Variants in CAST observed in about 807,000 individuals in gnomAD.
CAST encodes MIR583 host.
CAST carries 76 observed loss-of-function variants against 119.6 expected under a neutral mutation model. The observed-to-expected ratio is 0.64, with a 90% CI of 0.53 to 0.77. The LOEUF is 0.77. CAST is among the 30% of genes least tolerant of loss of function. The probability of loss-of-function intolerance (pLI) is 0.00; values close to 1 mark genes in which losing one functional copy is unlikely to be tolerated. For missense variants in CAST, 953 were observed against 946.5 expected (o/e 1.01, Z -0.09); for synonymous variants, 319 against 331.6 (o/e 0.96, Z 0.41).
At chr5:96,513,323 C>T in the CAST span, among the ~76,000 whole-genome samples, 2 of 152,184 alleles carry the variant, frequency 1.3e-5, no homozygotes, top group Non-Finnish European at 2.9e-5. Flanking sequence ...AGTTTATATT[C>T]TAGCAGGAGG....
chr5:96,490,376 G>GTGTA, the CAST span, among the ~76,000 whole-genome samples: 3 of 151,904 alleles, frequency 2.0e-5, no homozygotes, highest in Non-Finnish European at 2.9e-5. Context: ...GTGTGTGTGT[G>GTGTA]TGTGTATGTA....
At chr5:96,314,560 T>C in the CAST span, among the ~76,000 whole-genome samples, 4 of 152,236 alleles carry the variant, frequency 2.6e-5, no homozygotes, top group Non-Finnish European at 4.4e-5. Flanking sequence ...TGTTCATTTG[T>C]ACAAGTTTGT....
the CAST span, among the ~76,000 whole-genome samples, chr5:96,400,391 TAA>T: frequency 6.6e-6 from 1 of 152,238 alleles, no homozygotes; most frequent in African/African-American, 2.4e-5. Flanking sequence ...CTGTAACATA[TAA>T]GTTATGACTT....
intron 1 of CAST, among the ~76,000 whole-genome samples, chr5:96,551,872 C>G (rs760895663): frequency 6.6e-6 from 1 of 152,030 alleles, no homozygotes; most frequent in Non-Finnish European, 1.5e-5. Flanking sequence ...AGCAAACTAT[C>G]CTAAATATAT....
At chr5:96,040,451 A>T in the CAST span, among the ~76,000 whole-genome samples, 1 of 152,132 alleles carries the variant, frequency 6.6e-6, no homozygotes, top group African/African-American at 2.4e-5. Flanking sequence ...GTCTTGTGCC[A>T]GTTTTCAAAG....
At chr5:96,648,363 C>G (rs1057350195) in intron 1 of CAST, among the ~76,000 whole-genome samples, 1 of 152,152 alleles carries the variant, frequency 6.6e-6, no homozygotes, top group African/African-American at 2.4e-5. Flanking sequence ...TTACACTCCT[C>G]TCCTCATAAA....
At chr5:96,259,899 A>T in the CAST span, among the ~76,000 whole-genome samples, 375 of 142,140 alleles carry the variant, frequency 2.6e-3, 6 homozygotes, top group African/African-American at 8.8e-3. Context: ...TTTTTTTTTT[A>T]AATTATGTTT....
the CAST span, among the ~76,000 whole-genome samples, chr5:96,463,940 T>C: frequency 6.6e-6 from 1 of 152,066 alleles, no homozygotes. Context: ...CAGAAACAGA[T>C]AAAGTGAGTC....
intron 3 of CAST, among the ~76,000 whole-genome samples, chr5:96,701,773 C>T (rs1372983000): frequency 6.7e-6 from 1 of 150,214 alleles, no homozygotes; most frequent in Admixed American, 6.7e-5. Flanking sequence ...TGACTGCACT[C>T]CAGCCTGGGC....
At chr5:96,620,230 A>G (rs1490715509) in intron 1 of CAST, among the ~76,000 whole-genome samples, 1 of 151,802 alleles carries the variant, frequency 6.6e-6, no homozygotes, top group African/African-American at 2.4e-5. Context: ...ATTAGTTATC[A>G]GGAGTAGGAG....
At chr5:96,423,719 C>T in the CAST span, among the ~76,000 whole-genome samples, 56,715 of 152,004 alleles carry the variant, frequency 0.37, 10,840 homozygotes, top group East Asian at 0.46. Flanking sequence ...CTTTGAACTA[C>T]ATGGCTTTGA....
the CAST span, among the ~76,000 whole-genome samples, chr5:96,046,275 G>C: frequency 2.6e-5 from 4 of 152,052 alleles, no homozygotes; most frequent in Non-Finnish European, 4.4e-5. Context: ...GAGTGAGTAG[G>C]GAGAAGAATG....
the CAST span, among the ~76,000 whole-genome samples, chr5:96,194,610 A>C: frequency 6.6e-6 from 1 of 152,256 alleles, no homozygotes; most frequent in Non-Finnish European, 1.5e-5. Context: ...CTAGCAAACT[A>C]TCTTTTATCC....
At chr5:96,199,758 G>C in the CAST span, among the ~76,000 whole-genome samples, 1 of 152,126 alleles carries the variant, frequency 6.6e-6, no homozygotes, top group Non-Finnish European at 1.5e-5. Context: ...AATCTTAGCA[G>C]AGCAGGGATG....
chr5:96,469,857 ATGTGTGTG>A, the CAST span, among the ~76,000 whole-genome samples: 1 of 114,656 alleles, frequency 8.7e-6, no homozygotes, highest in African/African-American at 3.3e-5. Context: ...ATATATATAT[ATGTGTGTG>A]TATATATATA....
At chr5:96,509,995 AT>A in the CAST span, among the ~76,000 whole-genome samples, 48 of 152,074 alleles carry the variant, frequency 3.2e-4, no homozygotes, top group African/African-American at 1.1e-3. Flanking sequence ...AACGTTGTGG[AT>A]TTTTTTTTAA....
Position 96,574,233 on chromosome 5 carries a change from AT to A in CAST, c.60+44358del, listed in dbSNP as rs1158629601. ...CCACCGCGCCCGGCTAATTTTTTGT[AT>A]TTTTAGTAGAGACGGGGTTTCACCT... On this transcript the variant is annotated intron_variant, in intron 1 of 11. Coordinates refer to the CAST transcript ENST00000505143. Among the ~76,000 whole-genome samples, 6 of 29,804 alleles carry A rather than the reference AT, an allele frequency of 2.0e-4. 3 individuals carry two copies. Among genetic ancestry groups the A allele is most frequent in the African/African-American group, 9.6e-4 (4 of 4,172 alleles). The allele number at this position is 29,804 out of a possible 152,430, so 19.6% of individuals were successfully genotyped here.
the CAST span, among the ~76,000 whole-genome samples, chr5:96,503,992 T>C: frequency 6.6e-6 from 1 of 152,110 alleles, no homozygotes; most frequent in African/African-American, 2.4e-5. Flanking sequence ...GAGAAGTGAC[T>C]CTCCAGGCTG....
chr5:96,476,862 C>T, the CAST span, among the ~76,000 whole-genome samples: 8 of 149,918 alleles, frequency 5.3e-5, no homozygotes, highest in East Asian at 3.9e-4. Context: ...CATCTCTACA[C>T]GAGTTGACGG....
Sources: allele counts gnomAD v4.1 joint callset (sites outside exome capture counted in the v4.1 genomes callset), GRCh38; gene constraint gnomAD v4.1.1; transcripts MANE v1.5; gene names NCBI Gene and HGNC (gene_info 2026-07-23, HGNC 2026-07-21).